SLC7A9: variants seen among roughly 807,000 people sequenced by gnomAD.
SLC7A9 encodes the protein B(0,+)-type amino acid transporter 1.
In SLC7A9, 38 loss-of-function variants were observed where a neutral mutation model predicts 54.1. That is an observed-to-expected ratio of 0.70 (90% CI 0.54 to 0.92). SLC7A9 has a LOEUF of 0.92. Ranked by LOEUF, SLC7A9 falls within the 40% of genes least tolerant of loss-of-function variation. The probability of loss-of-function intolerance (pLI) is 0.00; values close to 1 mark genes in which losing one functional copy is unlikely to be tolerated. For missense variants in SLC7A9, 537 were observed against 636.1 expected (o/e 0.84, Z 1.68); for synonymous variants, 264 against 258.9 (o/e 1.02, Z -0.19).
chr19:32,833,339 A>C lies in SLC7A9; in HGVS notation c.1225-16T>G. The C allele has an allele frequency of 6.2e-7, 1 of 1,613,864 alleles. No homozygotes were observed. The highest frequency in any genetic ancestry group is 8.5e-7 in the Non-Finnish European group (1 of 1,179,726). On this transcript the variant is annotated splice_polypyrimidine_tract_variant and intron_variant, in intron 11 of 12. Coordinates refer to ENST00000023064, the MANE Select transcript of SLC7A9 (RefSeq NM_014270.5). ...CTACGGGCACCTGGAGACGAAAAACAGGTCATGGGTACCCATTTTCTTTTT... is the reference window on the plus strand; with the variant it reads ...CTACGGGCACCTGGAGACGAAAAACCGGTCATGGGTACCCATTTTCTTTTT...
intron 11 of SLC7A9, among the ~76,000 whole-genome samples, chr19:32,840,861 G>A (rs1183625231): frequency 2.0e-5 from 3 of 152,150 alleles, no homozygotes. Flanking sequence ...GTCCAGTGGG[G>A]CATCCACTTA....
chr19:32,868,155 G>C (rs28477397), intron 2 of SLC7A9, among the ~76,000 whole-genome samples: 3 of 148,270 alleles, frequency 2.0e-5, no homozygotes, highest in Non-Finnish European at 4.5e-5. Flanking sequence ...CCCTTGAACC[G>C]GGGAGGTGAA....
intron 3 of SLC7A9, 76 bp from the exon 4 acceptor site, chr19:32,864,414 G>C (rs1000409336): frequency 6.3e-7 from 1 of 1,598,446 alleles, no homozygotes; most frequent in Non-Finnish European, 8.5e-7. Flanking sequence ...TCCTCCCACC[G>C]GAGGCTGCGC....
In SLC7A9 at chr19:32,830,791, G is replaced by A. The variant is rs995918502; in HGVS notation, c.1400-107C>T. On this transcript the variant is annotated intron_variant, in intron 12 of 12. Transcript: ENST00000023064. ...CATTGTTTTCAGTCTTTGGTGATGCGTCACCTAGACCCTGTGCTCAGGATG... is the reference window on the plus strand; with the variant it reads ...CATTGTTTTCAGTCTTTGGTGATGCATCACCTAGACCCTGTGCTCAGGATG... 1.0e-4 allele frequency: 83 copies of A among 833,752 alleles called. 1 individual carries two copies. Among genetic ancestry groups the A allele is most frequent in the South Asian group, 5.5e-4 (40 of 72,354 alleles). The allele number at this position is 833,752 out of a possible 1,614,324, so 51.6% of individuals were successfully genotyped here. A position where few individuals can be genotyped will look rare whatever the true frequency, so the allele number is the denominator to read the frequency against.
chr19:32,857,237 A>G (rs1306563284), intron 9 of SLC7A9, among the ~76,000 whole-genome samples: 51 of 151,980 alleles, frequency 3.4e-4, no homozygotes, highest in Admixed American at 3.3e-3. Flanking sequence ...TTGAGCCAGG[A>G]GTTCGAAATG....
At position 32,859,920 on chromosome 19, in the gene SLC7A9, G is replaced by T. The variant is rs372528072; in HGVS notation, c.794C>A (p.Ala265Glu). ...GGACACGTTCATGAGGATGTAGCAC[G>T]CCGTCACCAGGGGGATCCCGATGAT... ...AIIIGIPLVT[A>E]CYILMNVSYF... The change falls in exon 8 of 13, where the codon GCG (alanine) becomes GAG (glutamate). Residue 265 changes from alanine to glutamate, a missense_variant. Coordinates refer to ENST00000023064, the MANE Select transcript of SLC7A9 (RefSeq NM_014270.5). The T allele has an allele frequency of 6.2e-7, 1 of 1,614,162 alleles. No homozygotes were observed. The highest frequency in any genetic ancestry group is 8.5e-7 in the Non-Finnish European group (1 of 1,180,020).
chr19:32,858,471 C>A lies in SLC7A9; in HGVS notation c.946G>T (p.Ala316Ser). The change falls in exon 9 of 13, where the codon GCT becomes TCT. Residue 316 changes from alanine (A) to serine (S), a missense_variant. Coordinates refer to ENST00000023064, the MANE Select transcript of SLC7A9 (RefSeq NM_014270.5). ...PLFVAFSTIG[A>S]ANGTCFTAGR... ...GCTGTGAAGCAGGTCCCGTTAGCAG[C>A]ACCGATGGTTGAAAATGCCACAAAA... 6.2e-7 allele frequency: 1 copy of A among 1,613,556 alleles called. No individual in the cohort carries two copies. The highest frequency in any genetic ancestry group is 1.7e-4 in the Middle Eastern group (1 of 6,060).
chr19:32,860,734 T>C (rs1968776259), intron 6 of SLC7A9, 84 bp from the exon 7 acceptor site: 1 of 1,557,774 alleles, frequency 6.4e-7, no homozygotes, highest in East Asian at 2.3e-5. Context: ...GTTGGCCTCA[T>C]TTAAGATTCT....
At chr19:32,844,076 G>T in intron 9 of SLC7A9, 125 bp from the exon 10 acceptor site, 1 of 726,994 alleles carries the variant, frequency 1.4e-6, no homozygotes, top group Non-Finnish European at 2.5e-6. Context: ...AGCTGAGCAG[G>T]GACCTGAGCT....
intron 2 of SLC7A9, among the ~76,000 whole-genome samples, chr19:32,867,020 C>A (rs567168195): frequency 6.6e-6 from 1 of 152,326 alleles, no homozygotes; most frequent in African/African-American, 2.4e-5. Flanking sequence ...GCCTTCCCCC[C>A]AGCCCCAAGC....
intron 11 of SLC7A9, 47 bp from the exon 12 acceptor site, chr19:32,833,370 T>A (rs747094387): frequency 5.0e-6 from 8 of 1,601,856 alleles, no homozygotes; most frequent in Non-Finnish European, 6.8e-6. Context: ...TTTTTGAAAT[T>A]TTTCATGATA....
intron 9 of SLC7A9, among the ~76,000 whole-genome samples, chr19:32,846,009 GATAA>G (rs1347143103): frequency 2.0e-5 from 3 of 152,124 alleles, no homozygotes; most frequent in Non-Finnish European, 2.9e-5. Context: ...GTCTCAAAAA[GATAA>G]ATAAATAAGA....
chr19:32,864,854 G>C (rs1179041587), intron 2 of SLC7A9, 78 bp from the exon 3 acceptor site: 9 of 1,590,414 alleles, frequency 5.7e-6, no homozygotes, highest in African/African-American at 1.3e-5. Flanking sequence ...CCCTCCCTCG[G>C]TACGGCCAGG....
chr19:32,846,221 T>C (rs1224209422), intron 9 of SLC7A9, among the ~76,000 whole-genome samples: 2 of 152,208 alleles, frequency 1.3e-5, no homozygotes, highest in Admixed American at 1.3e-4. Flanking sequence ...GGGCAAGGCA[T>C]TGCCTCACTC....
chr19:32,868,523 A>G lies in SLC7A9; in HGVS notation c.12T>C (p.Thr4=), dbSNP rs142572851. 1.7e-4 allele frequency: 272 copies of G among 1,613,940 alleles called. No individual in the cohort carries two copies. Among genetic ancestry groups the G allele is most frequent in the Non-Finnish European group, 2.3e-4 (268 of 1,179,958 alleles). The part of the protein sequence containing the change: MGD[T]GLRKRREDEK... ...CATCCTCTCTCCGCTTTCTCAGGCC[A>G]GTATCCCCCATGTTTCCTCCTGCTG... Residue 4 remains threonine (T), a synonymous_variant, in exon 2 of 13, where the codon ACT becomes ACC. Coordinates refer to ENST00000023064, the MANE Select transcript of SLC7A9 (RefSeq NM_014270.5).
intron 7 of SLC7A9, chr19:32,860,268 A>G (rs1968759576): frequency 1.4e-6 from 2 of 1,394,320 alleles, no homozygotes; most frequent in Admixed American, 2.9e-5. Flanking sequence ...ATAAGAAACC[A>G]TTCGCTGGCC....
intron 9 of SLC7A9, among the ~76,000 whole-genome samples, chr19:32,844,883 A>AAAAG (rs1968239751): frequency 7.0e-6 from 1 of 142,150 alleles, no homozygotes; most frequent in Non-Finnish European, 1.6e-5. Flanking sequence ...AAAAAAAAAA[A>AAAAG]GCCAGATGTG....
intron 4 of SLC7A9, 34 bp from the exon 5 acceptor site, chr19:32,862,620 T>C (rs553556358): frequency 6.2e-7 from 1 of 1,612,200 alleles, no homozygotes; most frequent in Admixed American, 1.7e-5. Flanking sequence ...GCATTTATGG[T>C]TTTCAGCAAA....
intron 11 of SLC7A9, among the ~76,000 whole-genome samples, chr19:32,836,528 C>A (rs1167808315): frequency 6.6e-6 from 1 of 152,086 alleles, no homozygotes. Context: ...TTCTTCATGG[C>A]ATTAAAAGCT....
Sources: allele counts gnomAD v4.1 joint callset (sites outside exome capture counted in the v4.1 genomes callset), GRCh38; gene constraint gnomAD v4.1.1; transcripts MANE v1.5; gene names NCBI Gene and HGNC (gene_info 2026-07-23, HGNC 2026-07-21).